Variants in LNX1 observed in about 807,000 individuals in gnomAD.
LNX1 encodes the protein E3 ubiquitin-protein ligase LNX.
In LNX1, 54 loss-of-function variants were observed where a neutral mutation model predicts 68.4. That is an observed-to-expected ratio of 0.79 (90% confidence interval 0.63 to 0.99). The LOEUF is 0.99. LNX1 is among the 50% of genes least tolerant of loss of function. The pLI, the probability that LNX1 is intolerant of heterozygous loss-of-function variation, is 0.00. For synonymous variants in LNX1, 336 were observed against 350.0 expected (o/e 0.96, Z 0.45); for missense variants, 906 against 926.4 (o/e 0.98, Z 0.29).
At chr4:53,550,577 G>A (rs1280771716) in intron 2 of LNX1, among the ~76,000 whole-genome samples, 3 of 152,210 alleles carry the variant, frequency 2.0e-5, no homozygotes, top group African/African-American at 7.2e-5. Context: ...GTTGGGAATG[G>A]CTAACACAGT....
upstream of LNX1, among the ~76,000 whole-genome samples, chr4:53,621,425 C>T (rs1388682162): frequency 6.6e-6 from 1 of 152,140 alleles, no homozygotes; most frequent in South Asian, 2.1e-4. Flanking sequence ...TTATTTTTCT[C>T]TGTAATTTGC....
intron 2 of LNX1, among the ~76,000 whole-genome samples, chr4:53,513,815 G>A (rs1238490379): frequency 1.3e-5 from 2 of 152,318 alleles, no homozygotes; most frequent in South Asian, 4.1e-4. Context: ...TCTCAACAGA[G>A]CAGCCACAGT....
intron 2 of LNX1, among the ~76,000 whole-genome samples, chr4:53,562,028 C>T (rs1329528330): frequency 6.6e-6 from 1 of 152,184 alleles, no homozygotes; most frequent in African/African-American, 2.4e-5. Flanking sequence ...TTTAAAAGGT[C>T]ATTTCCTTAG....
chr4:53,479,918 C>G (rs1043272998), intron 7 of LNX1, among the ~76,000 whole-genome samples: 7 of 152,352 alleles, frequency 4.6e-5, no homozygotes, highest in African/African-American at 1.7e-4. Flanking sequence ...ATTCCATGTG[C>G]ACTTAGTCGC....
intron 2 of LNX1, among the ~76,000 whole-genome samples, chr4:53,524,853 C>A (rs1232722893): frequency 6.6e-6 from 1 of 152,130 alleles, no homozygotes; most frequent in Non-Finnish European, 1.5e-5. Context: ...AGGAAGGAAC[C>A]CTTTCTTTGC....
At chr4:53,626,679 G>T (rs917538418) in intron 1 of LNX1, among the ~76,000 whole-genome samples, 1 of 152,060 alleles carries the variant, frequency 6.6e-6, no homozygotes, top group Admixed American at 6.6e-5. Flanking sequence ...ATTTCTTTAC[G>T]TTGCTCTTTT....
intron 9 of LNX1, among the ~76,000 whole-genome samples, chr4:53,475,523 AAG>A (rs907797803): frequency 1.8e-4 from 27 of 152,222 alleles, no homozygotes; most frequent in Admixed American, 1.4e-3. Context: ...GAAATGTAAA[AAG>A]AGAGAGAGAC....
chr4:53,586,022 T>C (rs1308424768), intron 1 of LNX1, among the ~76,000 whole-genome samples: 1 of 152,128 alleles, frequency 6.6e-6, no homozygotes, highest in Non-Finnish European at 1.5e-5. Flanking sequence ...TTGCTACATA[T>C]TTAGCAACTC....
chr4:53,509,187 C>T (rs1338724742), intron 2 of LNX1, among the ~76,000 whole-genome samples: 2 of 152,180 alleles, frequency 1.3e-5, no homozygotes, highest in Admixed American at 1.3e-4. Context: ...AGGGTAGCTA[C>T]AGGTAACCAC....
At chr4:53,635,746 T>C (rs1168122128) in intron 1 of LNX1, among the ~76,000 whole-genome samples, 1 of 152,178 alleles carries the variant, frequency 6.6e-6, no homozygotes, top group Non-Finnish European at 1.5e-5. Context: ...TAGCCTATAA[T>C]CTCGGCACTC....
intron 1 of LNX1, among the ~76,000 whole-genome samples, chr4:53,630,683 C>A (rs1431953819): frequency 6.6e-6 from 1 of 152,184 alleles, no homozygotes; most frequent in Non-Finnish European, 1.5e-5. Flanking sequence ...AGTGAACCAA[C>A]AACATATATT....
intron 9 of LNX1, among the ~76,000 whole-genome samples, chr4:53,461,929 T>C (rs1041308956): frequency 6.6e-6 from 1 of 152,162 alleles, no homozygotes; most frequent in Non-Finnish European, 1.5e-5. Flanking sequence ...TAAATCCTTA[T>C]TGGTGAACAA....
intron 2 of LNX1, among the ~76,000 whole-genome samples, chr4:53,510,978 C>G (rs1324611551): frequency 6.6e-6 from 1 of 152,154 alleles, no homozygotes; most frequent in African/African-American, 2.4e-5. Flanking sequence ...ATTAAGAAAC[C>G]ATTGCACTTT....
rs1266863725 is a variant in LNX1, at chr4:53,477,128, C to T, written c.1664-147G>A. Reference sequence around the variant, plus strand: ...TTGTTGACGGGAGGCTGGGTGCTCACATAGCAAATGGTAAACAGTGTGTGC... The same window carrying T: ...TTGTTGACGGGAGGCTGGGTGCTCATATAGCAAATGGTAAACAGTGTGTGC... On this transcript the variant is annotated intron_variant, in intron 8 of 10. Transcript: ENST00000263925. The T allele has an allele frequency of 6.9e-6, 5 of 721,222 alleles. No homozygotes were observed. The Admixed American group carries it at 1.1e-4, about 16-fold the overall frequency. 44.7% of individuals were successfully genotyped at this position (721,222 alleles called of 1,614,324 possible).
intron 1 of LNX1, among the ~76,000 whole-genome samples, chr4:53,627,114 C>T (rs2668518): frequency 0.33 from 50,285 of 152,102 alleles, 8,672 homozygotes; most frequent in Admixed American, 0.38. Flanking sequence ...TGGGTTTTCA[C>T]AGAACATTTC....
Position 53,460,223 on chromosome 4 carries a change from T to A in LNX1, c.*684A>T. The stretch of plus-strand genomic sequence containing the variant: ...CCCACTGGTGGAGCAGCATGAGTTT[T>A]TATACAGTTACTAACGATTGTGGAA... On this transcript the variant is annotated 3_prime_UTR_variant, in exon 11 of 11. Coordinates refer to ENST00000263925, the MANE Select transcript of LNX1 (RefSeq NM_001126328.3). The A allele has an allele frequency of 5.1e-6, 1 of 195,214 alleles. No homozygotes were observed. 12.1% of individuals were successfully genotyped at this position (195,214 alleles called of 1,614,324 possible). A position where few individuals can be genotyped will look rare whatever the true frequency, so the allele number is the denominator to read the frequency against.
chr4:53,595,987 A>G (rs1346911662), upstream of LNX1, among the ~76,000 whole-genome samples: 2 of 152,020 alleles, frequency 1.3e-5, no homozygotes, highest in African/African-American at 4.8e-5. Flanking sequence ...CTCTTTGGCT[A>G]TCTTCTAAAG....
At position 53,573,859 on chromosome 4, in the gene LNX1, C is replaced by T. The variant is rs1218445500; in HGVS notation, c.144G>A (p.Leu48=). ...CACACGGAGTGTCCAGGGGGTCCAG[C>T]AAAGCCTGCAGGCAGATGTGGCAGA... ...DLICHICLQA[L]LDPLDTPCGH... Residue 48 remains leucine, a synonymous_variant, in exon 2 of 11, where the codon TTG becomes TTA. Coordinates refer to ENST00000263925, the MANE Select transcript of LNX1 (RefSeq NM_001126328.3). The T allele has an allele frequency of 6.2e-7, 1 of 1,613,638 alleles. No individual in the cohort carries two copies. The highest frequency in any genetic ancestry group is 1.3e-5 in the African/African-American group (1 of 74,912).
chr4:53,624,026 T>C (rs752444647), intron 1 of LNX1, among the ~76,000 whole-genome samples: 1 of 152,196 alleles, frequency 6.6e-6, no homozygotes, highest in Non-Finnish European at 1.5e-5. Flanking sequence ...TAACCCAAGC[T>C]CTTAACTCCA....
Sources: allele counts gnomAD v4.1 joint callset (sites outside exome capture counted in the v4.1 genomes callset), GRCh38; gene constraint gnomAD v4.1.1; transcripts MANE v1.5; gene names NCBI Gene and HGNC (gene_info 2026-07-23, HGNC 2026-07-21).